CAMK2D: variants seen among roughly 807,000 people sequenced by gnomAD.
The protein encoded by CAMK2D is calcium/calmodulin dependent protein kinase II delta, also known as calcium/calmodulin-dependent protein kinase type II subunit delta.
A neutral mutation model predicts 84.0 loss-of-function variants in CAMK2D; 37 were observed. The ratio of observed to expected loss-of-function variants is 0.44; its 90% CI spans 0.34 to 0.58. The LOEUF is 0.58. CAMK2D is among the 20% of genes least tolerant of loss of function. The probability of loss-of-function intolerance (pLI) is 0.02; values close to 1 mark genes in which losing one functional copy is unlikely to be tolerated. For synonymous variants in CAMK2D, 202 were observed against 212.5 expected (o/e 0.95, Z 0.43); for missense variants, 448 against 652.5 (o/e 0.69, Z 3.41).
intron 4 of CAMK2D, among the ~76,000 whole-genome samples, chr4:113,554,469 G>A (rs1468532280): frequency 6.6e-6 from 1 of 152,134 alleles, no homozygotes; most frequent in Non-Finnish European, 1.5e-5. Flanking sequence ...TTTGAGGGGT[G>A]TAGAGTTTCA....
chr4:113,665,835 T>C (rs1292891938), intron 2 of CAMK2D, among the ~76,000 whole-genome samples: 2 of 152,214 alleles, frequency 1.3e-5, no homozygotes, highest in Non-Finnish European at 2.9e-5. Context: ...AGACCTGCCA[T>C]ATAAACAATG....
At chr4:113,495,431 C>T (rs1413904749) in intron 16 of CAMK2D, among the ~76,000 whole-genome samples, 8 of 152,098 alleles carry the variant, frequency 5.3e-5, no homozygotes, top group Non-Finnish European at 1.2e-4. Context: ...GATCATCTGC[C>T]TTAGGAAATC....
At chr4:113,617,020 T>C (rs941654835) in intron 3 of CAMK2D, among the ~76,000 whole-genome samples, 1 of 152,186 alleles carries the variant, frequency 6.6e-6, no homozygotes, top group East Asian at 1.9e-4. Context: ...CTTCCTTCCC[T>C]CTTTAAATTT....
chr4:113,674,847 T>TC (rs1561761068), intron 2 of CAMK2D, among the ~76,000 whole-genome samples: 1 of 149,598 alleles, frequency 6.7e-6, no homozygotes, highest in Non-Finnish European at 1.5e-5. Context: ...CAATGACTAC[T>TC]CCCCCCGAGA....
At chr4:113,621,137 G>A (rs2099044437) in intron 3 of CAMK2D, among the ~76,000 whole-genome samples, 1 of 152,020 alleles carries the variant, frequency 6.6e-6, no homozygotes, top group Non-Finnish European at 1.5e-5. Context: ...GTCTTGGCTT[G>A]TGATTTTAAG....
intron 3 of CAMK2D, among the ~76,000 whole-genome samples, chr4:113,617,201 C>T (rs906324838): frequency 4.5e-4 from 68 of 152,124 alleles, no homozygotes; most frequent in African/African-American, 1.6e-3. Context: ...GGTGCGGTGA[C>T]TTACGCCTGT....
At position 113,651,933 on chromosome 4, in the gene CAMK2D, G is replaced by A. The variant is rs914544434; in HGVS notation, c.220+9780C>T. Among the ~76,000 whole-genome samples, 3 of 151,984 alleles carry A rather than the reference G, an allele frequency of 2.0e-5. No homozygotes were observed. In the South Asian group the frequency reaches 6.2e-4, roughly 31 times the overall value. ...TCTATAATACCTATATTTTCCATAA[G>A]CATTTGAATAATAATGTCATGCTAA... On this transcript the variant is annotated intron_variant, in intron 3 of 20. Transcript: ENST00000511664.
chr4:113,568,253 G>A (rs1048206081), intron 4 of CAMK2D, among the ~76,000 whole-genome samples: 1 of 151,982 alleles, frequency 6.6e-6, no homozygotes, highest in Non-Finnish European at 1.5e-5. Context: ...TCCAGCACCT[G>A]GTAACTGTCA....
chr4:113,566,495 G>A (rs377668517), intron 4 of CAMK2D, among the ~76,000 whole-genome samples: 9 of 151,962 alleles, frequency 5.9e-5, no homozygotes, highest in Admixed American at 1.3e-4. Context: ...TAATGAAATC[G>A]GATTATTTCA....
chr4:113,572,273 A>C (rs2098757259), intron 4 of CAMK2D, among the ~76,000 whole-genome samples: 1 of 152,150 alleles, frequency 6.6e-6, no homozygotes, highest in Non-Finnish European at 1.5e-5. Flanking sequence ...ACATATCATT[A>C]GCTGACAAGG....
intron 4 of CAMK2D, among the ~76,000 whole-genome samples, chr4:113,586,799 C>T (rs1296203854): frequency 2.0e-5 from 3 of 152,044 alleles, no homozygotes; most frequent in Non-Finnish European, 4.4e-5. Context: ...TATGAATATT[C>T]GCTGGTTATA....
intron 6 of CAMK2D, among the ~76,000 whole-genome samples, chr4:113,541,892 G>A (rs1025849753): frequency 2.6e-5 from 4 of 151,862 alleles, no homozygotes; most frequent in African/African-American, 9.7e-5. Context: ...AAGCTCACTT[G>A]TCTCATTTGT....
At chr4:113,607,470 G>T (rs2098982837) in intron 4 of CAMK2D, among the ~76,000 whole-genome samples, 1 of 152,090 alleles carries the variant, frequency 6.6e-6, no homozygotes, top group Admixed American at 6.6e-5. Context: ...CAGGAGAGGT[G>T]AAAATAGCCA....
chr4:113,499,061 A>G (rs1030968383), intron 16 of CAMK2D, among the ~76,000 whole-genome samples: 1 of 152,194 alleles, frequency 6.6e-6, no homozygotes, highest in Non-Finnish European at 1.5e-5. Flanking sequence ...TTCATATGAA[A>G]CATTTAGCTT....
chr4:113,758,037 A>G (rs1045395964), intron 2 of CAMK2D, among the ~76,000 whole-genome samples: 2 of 152,342 alleles, frequency 1.3e-5, no homozygotes, highest in South Asian at 2.1e-4. Flanking sequence ...AGAAGAAAAT[A>G]AGAGAAGCAC....
rs138079163 is a variant in CAMK2D, at chr4:113,455,317, C to T, written c.*29+409G>A. 2.0e-4 allele frequency among the ~76,000 whole-genome samples: 30 copies of T among 152,258 alleles called. No individual in the cohort carries two copies. In the East Asian group the frequency reaches 4.3e-3, roughly 22 times the overall value. ...CACAGCAAATTGATTTACACATTCGCCATAGCCAGCTGCTTACAGAACTGC... is the reference window on the plus strand; with the variant it reads ...CACAGCAAATTGATTTACACATTCGTCATAGCCAGCTGCTTACAGAACTGC... On this transcript the variant is annotated intron_variant, in intron 20 of 20. Transcript: ENST00000511664.
Position 113,641,157 on chromosome 4 carries a change from T to A in CAMK2D, c.220+20556A>T, listed in dbSNP as rs532994355. Among the ~76,000 whole-genome samples, 90 of 152,276 alleles carry A rather than the reference T, an allele frequency of 5.9e-4. No homozygotes were observed. The Middle Eastern group carries it at 0.01, about 17-fold the overall frequency. On this transcript the variant is annotated intron_variant, in intron 3 of 20. Coordinates refer to ENST00000511664, the MANE Select transcript of CAMK2D (RefSeq NM_001321571.2). ...TTCACCTTCTAGTGCTTTATTTAAATAAAAAGTAATACAGCTGCACAGAGA... is the reference window on the plus strand; with the variant it reads ...TTCACCTTCTAGTGCTTTATTTAAAAAAAAAGTAATACAGCTGCACAGAGA...
At chr4:113,556,763 G>A (rs943308769) in intron 4 of CAMK2D, among the ~76,000 whole-genome samples, 4 of 152,100 alleles carry the variant, frequency 2.6e-5, no homozygotes, top group South Asian at 2.1e-4. Context: ...TGAAAAATGT[G>A]GGTCTCCTTA....
intron 3 of CAMK2D, among the ~76,000 whole-genome samples, chr4:113,631,384 A>C (rs2099089084): frequency 6.6e-6 from 1 of 152,182 alleles, no homozygotes; most frequent in Non-Finnish European, 1.5e-5. Context: ...AAAGCAAAGA[A>C]AATGTAGGGA....
Sources: gnomAD v4.1 joint callset for allele counts (sites outside exome capture counted in the v4.1 genomes callset) on GRCh38, gnomAD v4.1.1 for gene constraint, MANE v1.5 for transcripts, NCBI Gene and HGNC (gene_info 2026-07-23, HGNC 2026-07-21) for gene names.